CDH12: variants seen among roughly 807,000 people sequenced by gnomAD.
The protein encoded by CDH12 is cadherin 12.
A neutral mutation model predicts 74.1 loss-of-function variants in CDH12; 41 were observed. That is an observed-to-expected ratio of 0.55 (90% confidence interval 0.43 to 0.72). CDH12 has a LOEUF of 0.72. Among genes scored for constraint, CDH12 ranks in the 30% least tolerant of loss-of-function variants. CDH12 has a pLI of 0.00. For missense variants in CDH12, 945 were observed against 977.2 expected (o/e 0.97, Z 0.44); for synonymous variants, 399 against 355.0 (o/e 1.12, Z -1.39).
chr5:22,311,921 T>C (rs541603810), intron 3 of CDH12, among the ~76,000 whole-genome samples: 7 of 152,246 alleles, frequency 4.6e-5, no homozygotes, highest in African/African-American at 1.7e-4. Context: ...TTTAAATTAA[T>C]TTTTACAATA....
chr5:22,578,013 C>A (rs1156710773), intron 1 of CDH12, among the ~76,000 whole-genome samples: 1 of 152,144 alleles, frequency 6.6e-6, no homozygotes, highest in Admixed American at 6.5e-5. Flanking sequence ...AAATGTATTA[C>A]TGCAACCCAA....
At chr5:22,278,865 C>T (rs1240591697) in intron 3 of CDH12, among the ~76,000 whole-genome samples, 1 of 152,010 alleles carries the variant, frequency 6.6e-6, no homozygotes, top group Admixed American at 6.6e-5. Context: ...AAAATAGCTA[C>T]AAAATAAATC....
intron 1 of CDH12, among the ~76,000 whole-genome samples, chr5:22,660,547 G>A (rs2126897216): frequency 6.6e-6 from 1 of 152,248 alleles, no homozygotes; most frequent in East Asian, 1.9e-4. Flanking sequence ...GAGTAGCTGT[G>A]ACTACAGGCA....
chr5:22,177,191 C>A (rs1206068831), intron 4 of CDH12, among the ~76,000 whole-genome samples: 1 of 152,114 alleles, frequency 6.6e-6, no homozygotes, highest in Admixed American at 6.6e-5. Context: ...CTGCAGAAAT[C>A]CTGATTAATG....
At chr5:21,806,547 C>A (rs769232424) in intron 9 of CDH12, among the ~76,000 whole-genome samples, 1 of 152,090 alleles carries the variant, frequency 6.6e-6, no homozygotes, top group Non-Finnish European at 1.5e-5. Flanking sequence ...CTTTCTGTAA[C>A]CTTGAGATGG....
Position 22,059,351 on chromosome 5 carries a change from CT to C in CDH12, c.231+19094del, listed in dbSNP as rs1452333724. Among the ~76,000 whole-genome samples, 407 of 104,216 alleles carry C rather than the reference CT, an allele frequency of 3.9e-3. 2 individuals are homozygous for C. Among genetic ancestry groups the C allele is most frequent in the African/African-American group, 0.014 (217 of 15,884 alleles). The allele number at this position is 104,216 out of a possible 152,430, so 68.4% of individuals were successfully genotyped here. A position where few individuals can be genotyped will look rare whatever the true frequency, so the allele number is the denominator to read the frequency against. ...GTCTATCTATCATCTATCTATCTAT[CT>C]ATCTATCTATCTATCTATCTATCTA... On this transcript the variant is annotated intron_variant, in intron 5 of 14. Transcript: ENST00000382254.
chr5:21,980,857 C>A (rs549981763), intron 5 of CDH12, among the ~76,000 whole-genome samples: 1 of 152,116 alleles, frequency 6.6e-6, no homozygotes, highest in East Asian at 1.9e-4. Context: ...TGGATTATAT[C>A]ATATTTTTCT....
intron 1 of CDH12, among the ~76,000 whole-genome samples, chr5:22,542,234 A>G (rs1467664599): frequency 1.3e-5 from 2 of 152,190 alleles, no homozygotes; most frequent in East Asian, 1.9e-4. Context: ...TTTTACTGAC[A>G]TATGATTTCA....
chr5:22,076,218 A>C (rs1371477400), intron 5 of CDH12, among the ~76,000 whole-genome samples: 1 of 152,064 alleles, frequency 6.6e-6, no homozygotes, highest in Non-Finnish European at 1.5e-5. Context: ...ACTCCTTTTT[A>C]ATTACATTTA....
At chr5:22,161,222 G>A (rs1289032208) in intron 4 of CDH12, among the ~76,000 whole-genome samples, 1 of 152,036 alleles carries the variant, frequency 6.6e-6, no homozygotes, top group African/African-American at 2.4e-5. Context: ...ACTATGTTAT[G>A]GAGTTCCCCT....
At chr5:22,510,012 A>G (rs1736535735) in intron 1 of CDH12, among the ~76,000 whole-genome samples, 1 of 152,066 alleles carries the variant, frequency 6.6e-6, no homozygotes. Context: ...CAAGGAAAAA[A>G]TTTAAAAAAA....
chr5:22,371,337 A>G (rs1377005279), intron 3 of CDH12, among the ~76,000 whole-genome samples: 1 of 152,160 alleles, frequency 6.6e-6, no homozygotes. Flanking sequence ...ATTAAAAGCT[A>G]AAGCAAAGAA....
At chr5:22,682,047 T>G (rs930751784) in intron 1 of CDH12, among the ~76,000 whole-genome samples, 1 of 152,080 alleles carries the variant, frequency 6.6e-6, no homozygotes, top group Non-Finnish European at 1.5e-5. Flanking sequence ...AATATGAATC[T>G]CTTTTCCCAG....
chr5:21,807,736 C>T (rs1451112089), intron 9 of CDH12, among the ~76,000 whole-genome samples: 1 of 151,994 alleles, frequency 6.6e-6, no homozygotes, highest in African/African-American at 2.4e-5. Context: ...AATATTCCTG[C>T]CCCCAATGAC....
chr5:21,871,492 G>A (rs891971457), intron 6 of CDH12, among the ~76,000 whole-genome samples: 4 of 152,060 alleles, frequency 2.6e-5, no homozygotes, highest in East Asian at 1.9e-4. Context: ...CCAGCACTTT[G>A]GAGGCCGAGG....
chr5:22,704,380 A>G (rs1030057128), intron 1 of CDH12, among the ~76,000 whole-genome samples: 3 of 152,150 alleles, frequency 2.0e-5, no homozygotes, highest in African/African-American at 7.2e-5. Flanking sequence ...ATCCAGTGCA[A>G]GTGACTTTCT....
At chr5:22,385,368 G>A (rs571452180) in intron 3 of CDH12, among the ~76,000 whole-genome samples, 23 of 152,184 alleles carry the variant, frequency 1.5e-4, no homozygotes, top group African/African-American at 4.3e-4. Context: ...GTTCCCCTAA[G>A]CTTGATTAAT....
chr5:22,438,813 C>A (rs1260178752), intron 2 of CDH12, among the ~76,000 whole-genome samples: 1 of 151,498 alleles, frequency 6.6e-6, no homozygotes, highest in Non-Finnish European at 1.5e-5. Flanking sequence ...ACTTTGGTTT[C>A]TTTTAAAGAG....
chr5:22,781,751 A>T (rs1747394960), intron 1 of CDH12, among the ~76,000 whole-genome samples: 1 of 152,152 alleles, frequency 6.6e-6, no homozygotes, highest in East Asian at 1.9e-4. Context: ...GAGGGGAGGG[A>T]TCCAAGCTTC....
Sources: allele counts gnomAD v4.1 joint callset (sites outside exome capture counted in the v4.1 genomes callset), GRCh38; gene constraint gnomAD v4.1.1; transcripts MANE v1.5; gene names NCBI Gene and HGNC (gene_info 2026-07-23, HGNC 2026-07-21).